The following MID2 variants were observed in gnomAD, a reference collection of about 807,000 sequenced individuals.
MID2 encodes the protein probable E3 ubiquitin-protein ligase MID2.
In MID2, 13 loss-of-function variants were observed where a neutral mutation model predicts 46.1. That is an observed-to-expected ratio of 0.28 (90% CI 0.18 to 0.45). The LOEUF (loss-of-function observed/expected upper bound fraction) is 0.45, where lower values mean the gene tolerates loss of function less well. Ranked by LOEUF, MID2 falls within the 20% of genes least tolerant of loss-of-function variation. The pLI is 1.00. For missense variants in MID2, 431 were observed against 575.4 expected (o/e 0.75, Z 2.57); for synonymous variants, 199 against 212.3 (o/e 0.94, Z 0.55).
At chrX:107,863,671 A>T (rs1483621411) in intron 3 of MID2, among the ~76,000 whole-genome samples, 2 of 112,681 alleles carry the variant, frequency 1.8e-5, no homozygotes, top group African/African-American at 3.2e-5. Flanking sequence ...CTATACCTTG[A>T]AATGTTTCTA....
rs190359120 is a variant in MID2, at chrX:107,931,176, C to T, written c.*4103C>T. ...ATGACTACCAAGATGGAGCAATCCACGGATGGACTTTTGAATAAACTCAAA... is the reference window on the plus strand; with the variant it reads ...ATGACTACCAAGATGGAGCAATCCATGGATGGACTTTTGAATAAACTCAAA... On this transcript the variant is annotated 3_prime_UTR_variant, in exon 10 of 10. Coordinates refer to ENST00000262843, the MANE Select transcript of MID2 (RefSeq NM_012216.4). Among the ~76,000 whole-genome samples the T allele has an allele frequency of 1.8e-5, 2 of 112,403 alleles. No homozygotes were observed. Among genetic ancestry groups the T allele is most frequent in the Non-Finnish European group, 3.8e-5 (2 of 53,254 alleles).
chrX:107,840,467 A>C (rs767268339), intron 1 of MID2, among the ~76,000 whole-genome samples: 2 of 112,513 alleles, frequency 1.8e-5, no homozygotes, highest in Non-Finnish European at 3.7e-5. Flanking sequence ...CTATTTGTGC[A>C]TGAAAATAAA....
intron 3 of MID2, among the ~76,000 whole-genome samples, chrX:107,884,629 A>C (rs1275704566): frequency 8.9e-6 from 1 of 112,261 alleles, no homozygotes; most frequent in East Asian, 2.8e-4. Flanking sequence ...AAAAAAGGGA[A>C]AGGTGGTTTT....
intron 5 of MID2, among the ~76,000 whole-genome samples, chrX:107,907,831 A>G (rs145525507): frequency 0.021 from 2,394 of 112,373 alleles, 20 homozygotes; most frequent in Non-Finnish European, 0.032. Flanking sequence ...TCATATTGCA[A>G]GAAATAGCAA....
rs750396603 is a variant in MID2, at chrX:107,872,930, A to G, written c.816+18226A>G. On this transcript the variant is annotated intron_variant, in intron 3 of 9. Transcript: ENST00000262843. Reference sequence around the variant, plus strand: ...GGTGTTTCTAACATGTAGTAGGGCTATGGGGAGAAGGGTAGTTCAGGGGCG... The same window carrying G: ...GGTGTTTCTAACATGTAGTAGGGCTGTGGGGAGAAGGGTAGTTCAGGGGCG... Among the ~76,000 whole-genome samples, 22 of 111,629 alleles carry G rather than the reference A, an allele frequency of 2.0e-4. No individual in the cohort carries two copies. The Middle Eastern group carries it at 0.018, about 93-fold the overall frequency.
rs1933228847 is a variant in MID2 at position 107,928,563 on chromosome X, G to A, written c.*1490G>A. 9.0e-6 allele frequency among the ~76,000 whole-genome samples: 1 copy of A among 111,390 alleles called. No individual in the cohort carries two copies. Among genetic ancestry groups the A allele is most frequent in the African/African-American group, 3.3e-5 (1 of 30,674 alleles). ...GTAGCCATAACAACTCCCTCAGATT[G>A]GAGACTTGAAATGTCAAAACTCCCC... On this transcript the variant is annotated 3_prime_UTR_variant, in exon 10 of 10. Transcript: ENST00000262843.
At chrX:107,924,234 C>A in intron 7 of MID2, 109 bp from the exon 8 acceptor site, 1 of 769,826 alleles carries the variant, frequency 1.3e-6, no homozygotes, top group Non-Finnish European at 1.9e-6. Context: ...CAAAAGAAAA[C>A]AAAATGAATT....
chrX:107,914,240 T>C (rs182063042), intron 5 of MID2, among the ~76,000 whole-genome samples: 127 of 112,273 alleles, frequency 1.1e-3, no homozygotes, highest in Admixed American at 2.7e-3. Flanking sequence ...GCACATTAGT[T>C]GTGCTTAATA....
intron 5 of MID2, among the ~76,000 whole-genome samples, chrX:107,912,043 G>A (rs1471874235): frequency 8.9e-6 from 1 of 111,819 alleles, no homozygotes; most frequent in Non-Finnish European, 1.9e-5. Flanking sequence ...TAGTGTGCAT[G>A]GATCTGTGGA....
chrX:107,841,739 G>A (rs1931352506), intron 2 of MID2, among the ~76,000 whole-genome samples: 1 of 112,393 alleles, frequency 8.9e-6, no homozygotes, highest in Non-Finnish European at 1.9e-5. Flanking sequence ...GAGTACTTGT[G>A]TACGTGTACT....
At chrX:107,861,958 G>A (rs1301542995) in intron 3 of MID2, among the ~76,000 whole-genome samples, 1 of 111,837 alleles carries the variant, frequency 8.9e-6, no homozygotes, top group African/African-American at 3.3e-5. Context: ...CTTTGGAGTT[G>A]GACAGACAGG....
chrX:107,916,188 C>T, intron 6 of MID2, 59 bp downstream of exon 6: 1 of 915,617 alleles, frequency 1.1e-6, no homozygotes, highest in African/African-American at 2.0e-5. Flanking sequence ...TATGCTTTTA[C>T]TTAAAAATAA....
intron 3 of MID2, among the ~76,000 whole-genome samples, chrX:107,889,501 G>A (rs1233219899): frequency 2.7e-5 from 3 of 111,869 alleles, no homozygotes; most frequent in African/African-American, 9.8e-5. Flanking sequence ...CTGTTAGTCT[G>A]ATGGGCTTCC....
In MID2 at chrX:107,918,751, T is replaced by C. The variant is rs1023330806; in HGVS notation, c.1435+1012T>C. On this transcript the variant is annotated intron_variant, in intron 7 of 9. Coordinates refer to ENST00000262843, the MANE Select transcript of MID2 (RefSeq NM_012216.4). The stretch of plus-strand genomic sequence containing the variant: ...TCACAAACTCTAATGCTTCACTGAT[T>C]TATTTGTCTCTCCTACTCTGGAAAG... 4.5e-5 allele frequency among the ~76,000 whole-genome samples: 5 copies of C among 112,082 alleles called. No individual in the cohort carries two copies. In the East Asian group the frequency reaches 1.4e-3, roughly 31 times the overall value.
intron 1 of MID2, among the ~76,000 whole-genome samples, chrX:107,833,123 C>T (rs1327075141): frequency 9.0e-6 from 1 of 111,508 alleles, no homozygotes; most frequent in Non-Finnish European, 1.9e-5. Flanking sequence ...CCTAGTCACA[C>T]TAATAAATAA....
At chrX:107,842,792 G>A (rs1170206584) in intron 2 of MID2, among the ~76,000 whole-genome samples, 5 of 111,933 alleles carry the variant, frequency 4.5e-5, no homozygotes, top group Non-Finnish European at 5.6e-5. Flanking sequence ...TCAGTTCTTA[G>A]ACTCATAAGA....
rs1931327067 is a variant in MID2, at chrX:107,840,925, A to T, written c.260A>T (p.His87Leu). 2 of 1,211,303 alleles carry T rather than the reference A, an allele frequency of 1.7e-6. No homozygotes were observed. The highest frequency in any genetic ancestry group is 2.2e-6 in the Non-Finnish European group (2 of 895,362). Reference sequence around the variant, plus strand: ...TGCAGGTATGTTATCTCGCTGAACCACCGGGGCCTGGATGGCCTCAAGAGG... The same window carrying T: ...TGCAGGTATGTTATCTCGCTGAACCTCCGGGGCCTGGATGGCCTCAAGAGG... ...PTCRYVISLN[H>L]RGLDGLKRNV... The change falls in exon 2 of 10, where the codon CAC becomes CTC. Residue 87 changes from histidine (H) to leucine (L), a missense_variant. Coordinates refer to ENST00000262843, the MANE Select transcript of MID2 (RefSeq NM_012216.4).
chrX:107,831,608 C>G (rs1489651820), intron 1 of MID2, among the ~76,000 whole-genome samples: 1 of 112,224 alleles, frequency 8.9e-6, no homozygotes, highest in Non-Finnish European at 1.9e-5. Flanking sequence ...AAATAGGCCT[C>G]TGTTCTCTGT....
chrX:107,843,333 A>G (rs139068959), intron 2 of MID2, among the ~76,000 whole-genome samples: 2,075 of 111,846 alleles, frequency 0.019, 40 homozygotes, highest in African/African-American at 0.064. Flanking sequence ...CTATTTGAAA[A>G]CATCCGAAAA....
Sources: allele counts gnomAD v4.1 joint callset (sites outside exome capture counted in the v4.1 genomes callset), GRCh38; gene constraint gnomAD v4.1.1; transcripts MANE v1.5; gene names NCBI Gene and HGNC (gene_info 2026-07-23, HGNC 2026-07-21).